The following ROBO2 variants were observed in gnomAD, a reference collection of about 807,000 sequenced individuals.
ROBO2 encodes the protein roundabout guidance receptor 2.
A neutral mutation model predicts 160.8 loss-of-function variants in ROBO2; 53 were observed. The observed-to-expected ratio is 0.33, with a 90% CI of 0.26 to 0.41. The LOEUF is 0.41. Among genes scored for constraint, ROBO2 ranks in the 10% least tolerant of loss-of-function variants. The pLI is 1.00. For synonymous variants in ROBO2, 664 were observed against 611.7 expected (o/e 1.09, Z -1.26); for missense variants, 1,577 against 1,722.4 (o/e 0.92, Z 1.49).
chr3:76,957,573 C>T (rs1247760719), intron 2 of ROBO2, among the ~76,000 whole-genome samples: 3 of 152,058 alleles, frequency 2.0e-5, no homozygotes, highest in Non-Finnish European at 4.4e-5. Context: ...TGGCTCACGC[C>T]TGTAGTCCCA....
chr3:77,519,177 T>G (rs566110230), intron 5 of ROBO2, among the ~76,000 whole-genome samples: 1 of 151,518 alleles, frequency 6.6e-6, no homozygotes, highest in South Asian at 2.1e-4. Context: ...ACAATTACTT[T>G]TATCCCTGAT....
At chr3:76,323,832 CCAGT>C (rs1214252974) in intron 2 of ROBO2, among the ~76,000 whole-genome samples, 2 of 152,132 alleles carry the variant, frequency 1.3e-5, no homozygotes, top group African/African-American at 2.4e-5. Flanking sequence ...TGTCTTGTTG[CCAGT>C]CAATCTAAAA....
At chr3:77,544,842 G>A (rs1267676354) in intron 6 of ROBO2, among the ~76,000 whole-genome samples, 4 of 152,066 alleles carry the variant, frequency 2.6e-5, no homozygotes, top group African/African-American at 9.7e-5. Context: ...GAAAAGTCAT[G>A]GAATAAACAC....
chr3:77,617,389 G>C, intron 21 of ROBO2, 124 bp from the exon 23 acceptor site: 1 of 1,101,794 alleles, frequency 9.1e-7, no homozygotes, highest in South Asian at 1.3e-5. Context: ...ACAGCTTCAG[G>C]AAGAAATAAA....
chr3:77,402,174 C>CAGGAAAAGAAAACCAGAAATCA (rs372135355), intron 2 of ROBO2, among the ~76,000 whole-genome samples: 3,211 of 152,062 alleles, frequency 0.021, 121 homozygotes, highest in African/African-American at 0.073. Flanking sequence ...CAAACTAACA[C>CAGGAAAAGAAAACCAGAAATCA]AGGAAAAGAA....
At position 76,028,189 on chromosome 3, in the gene ROBO2, G is replaced by A. The variant is rs140781337; in HGVS notation, c.109+90587G>A. The stretch of plus-strand genomic sequence containing the variant: ...TCCAAACATAAGCACAATAAAACAC[G>A]TGAAAGAAATAAAATACATGCTATA... On this transcript the variant is annotated intron_variant, in intron 2 of 26. Coordinates refer to the ROBO2 transcript ENST00000487694. Among the ~76,000 whole-genome samples, 156 of 151,892 alleles carry A rather than the reference G, an allele frequency of 1.0e-3. 2 individuals are homozygous for A. The East Asian group carries it at 0.025, about 24-fold the overall frequency.
At chr3:76,983,274 G>T (rs2060194204) in intron 2 of ROBO2, among the ~76,000 whole-genome samples, 2 of 151,908 alleles carry the variant, frequency 1.3e-5, no homozygotes, top group South Asian at 4.1e-4. Context: ...GTGACAGAGT[G>T]AGACTCCGTC....
At chr3:76,519,963 C>A (rs367679015) in intron 2 of ROBO2, among the ~76,000 whole-genome samples, 29 of 152,242 alleles carry the variant, frequency 1.9e-4, no homozygotes, top group African/African-American at 7.0e-4. Flanking sequence ...TAAGAACAGA[C>A]TCAGAGCACC....
intron 2 of ROBO2, among the ~76,000 whole-genome samples, chr3:76,774,466 A>G (rs760063031): frequency 2.6e-5 from 4 of 151,038 alleles, no homozygotes; most frequent in Admixed American, 6.6e-5. Context: ...TTCATCGTAT[A>G]TCTTAGTTTA....
chr3:77,044,154 G>A (rs2064380234), intron 1 of ROBO2, among the ~76,000 whole-genome samples: 1 of 150,510 alleles, frequency 6.6e-6, no homozygotes, highest in African/African-American at 2.5e-5. Flanking sequence ...AGAACATTAA[G>A]CAAAAATATT....
intron 2 of ROBO2, among the ~76,000 whole-genome samples, chr3:76,312,258 A>G (rs1034641464): frequency 6.6e-6 from 1 of 152,130 alleles, no homozygotes; most frequent in Non-Finnish European, 1.5e-5. Flanking sequence ...TAACGTTTTT[A>G]TCTTGGCTGT....
intron 2 of ROBO2, among the ~76,000 whole-genome samples, chr3:76,596,169 C>T (rs1232006311): frequency 6.6e-6 from 1 of 152,010 alleles, no homozygotes; most frequent in African/African-American, 2.4e-5. Context: ...AGAATAAGTA[C>T]CAAAAAACTT....
rs148645066 is a variant in ROBO2 at position 76,490,958 on chromosome 3, G to GTT, written c.109+553365_109+553366dup. 1.5e-3 allele frequency among the ~76,000 whole-genome samples: 226 copies of GTT among 148,386 alleles called. 1 individual carries two copies. Among genetic ancestry groups the GTT allele is most frequent in the African/African-American group, 4.5e-3 (184 of 40,586 alleles). ...TTGATCCTCAATGAAGATTAATTTT[G>GTT]TTTTTTTTTTGGAGGGGGAGATGGA... On this transcript the variant is annotated intron_variant, in intron 2 of 26. Transcript: ENST00000487694.
chr3:76,322,199 TATATA>T (rs1161353146), intron 2 of ROBO2, among the ~76,000 whole-genome samples: 1,234 of 114,438 alleles, frequency 0.011, 20 homozygotes, highest in African/African-American at 0.031. Context: ...TATATATATA[TATATA>T]ATATACACAC....
intron 2 of ROBO2, among the ~76,000 whole-genome samples, chr3:75,965,274 G>T (rs955214193): frequency 2.0e-5 from 3 of 151,762 alleles, no homozygotes; most frequent in Non-Finnish European, 4.4e-5. Flanking sequence ...CTAACTCTGT[G>T]TTGCAGATAT....
intron 15 of ROBO2, 132 bp downstream of exon 16, chr3:77,577,746 T>G: frequency 8.7e-7 from 1 of 1,143,166 alleles, no homozygotes; most frequent in Non-Finnish European, 1.3e-6. Context: ...TATATTTCTG[T>G]GTGACAGAGA....
intron 2 of ROBO2, among the ~76,000 whole-genome samples, chr3:76,057,454 A>G (rs1179500609): frequency 2.0e-5 from 3 of 152,316 alleles, no homozygotes; most frequent in Admixed American, 2.0e-4. Context: ...GAATATTTCT[A>G]TATTTACTTT....
chr3:76,080,638 A>G (rs2068794153), intron 2 of ROBO2, among the ~76,000 whole-genome samples: 1 of 152,202 alleles, frequency 6.6e-6, no homozygotes, highest in Admixed American at 6.5e-5. Flanking sequence ...CAGTTGTCAC[A>G]TTTATAAATG....
chr3:76,400,401 G>A (rs1002620435), intron 2 of ROBO2, among the ~76,000 whole-genome samples: 1 of 151,514 alleles, frequency 6.6e-6, no homozygotes, highest in African/African-American at 2.4e-5. Context: ...TCTTTGAGTG[G>A]CATAGAATAT....
Sources: gnomAD v4.1 joint callset for allele counts (sites outside exome capture counted in the v4.1 genomes callset) on GRCh38, gnomAD v4.1.1 for gene constraint, MANE v1.5 for transcripts, NCBI Gene and HGNC (gene_info 2026-07-23, HGNC 2026-07-21) for gene names.